Variants in DRC2 observed in about 807,000 individuals in gnomAD.
The protein encoded by DRC2 is dynein regulatory complex subunit 2.
At chr12:48,912,620 A>G in the DRC2 span, among the ~76,000 whole-genome samples, 153 of 152,014 alleles carry the variant, frequency 1.0e-3, 1 homozygote, top group African/African-American at 3.6e-3. Flanking sequence ...CTGTTGACCC[A>G]TGTAGTCATA....
chr12:48,921,253 G>A, the DRC2 span: 24 of 1,614,044 alleles, frequency 1.5e-5, no homozygotes, highest in South Asian at 8.8e-5. Context: ...CAACATAGAC[G>A]AGCCCAGCTG....
the DRC2 span, among the ~76,000 whole-genome samples, chr12:48,916,742 T>C: frequency 6.6e-6 from 1 of 152,182 alleles, no homozygotes; most frequent in African/African-American, 2.4e-5. Flanking sequence ...CTGTAACCTT[T>C]TGTACTTTTT....
chr12:48,905,229 A>G, the DRC2 span: 2 of 912,606 alleles, frequency 2.2e-6, no homozygotes, highest in Non-Finnish European at 3.3e-6. Context: ...AAGCCAGGCT[A>G]TTGGTAATAA....
chr12:48,916,329 A>G, the DRC2 span, among the ~76,000 whole-genome samples: 1 of 152,250 alleles, frequency 6.6e-6, no homozygotes, highest in Non-Finnish European at 1.5e-5. Context: ...TGAGTGAACC[A>G]GACTCCGTCT....
chr12:48,912,863 G>C, the DRC2 span, among the ~76,000 whole-genome samples: 136,608 of 152,018 alleles, frequency 0.9, 62,444 homozygotes, highest in East Asian at 1. Flanking sequence ...TTCTGCCAGG[G>C]GCGGTGGCTC....
chr12:48,916,592 AAGAGAG>A, the DRC2 span, among the ~76,000 whole-genome samples: 6 of 152,048 alleles, frequency 3.9e-5, no homozygotes, highest in African/African-American at 1.4e-4. Flanking sequence ...AGACCGTGGA[AAGAGAG>A]GGAGAGGGAG....
the DRC2 span, among the ~76,000 whole-genome samples, chr12:48,912,391 C>T: frequency 1.4e-5 from 2 of 144,190 alleles, no homozygotes; most frequent in African/African-American, 2.6e-5. Context: ...GATCGCGCCA[C>T]TGCGCTCCAG....
chr12:48,913,307 C>CT, the DRC2 span, among the ~76,000 whole-genome samples: 1 of 151,546 alleles, frequency 6.6e-6, no homozygotes, highest in African/African-American at 2.4e-5. Flanking sequence ...GCTATCACTT[C>CT]TTTTTTTCTT....
chr12:48,908,486 T>G, the DRC2 span, among the ~76,000 whole-genome samples: 1 of 152,002 alleles, frequency 6.6e-6, no homozygotes, highest in African/African-American at 2.4e-5. Flanking sequence ...CTGGGCATCA[T>G]CTCTAACCTA....
At chr12:48,905,521 C>T in the DRC2 span, among the ~76,000 whole-genome samples, 1 of 152,178 alleles carries the variant, frequency 6.6e-6, no homozygotes, top group South Asian at 2.1e-4. Flanking sequence ...CTGCAGTGCT[C>T]CATTCAACTA....
At chr12:48,916,398 G>C in the DRC2 span, among the ~76,000 whole-genome samples, 11 of 152,134 alleles carry the variant, frequency 7.2e-5, no homozygotes, top group Non-Finnish European at 1.3e-4. Flanking sequence ...AGGAGCTGGA[G>C]ACCAGCCCGG....
chr12:48,906,530 C>T, the DRC2 span, among the ~76,000 whole-genome samples: 26 of 151,792 alleles, frequency 1.7e-4, no homozygotes, highest in African/African-American at 4.6e-4. Flanking sequence ...GTGATCCGCC[C>T]GCCTCAGTCT....
At chr12:48,920,142 T>A in the DRC2 span, among the ~76,000 whole-genome samples, 770 of 123,856 alleles carry the variant, frequency 6.2e-3, 10 homozygotes, top group African/African-American at 0.02. Flanking sequence ...AAAAAAGAAT[T>A]AATAATGAAT....
At chr12:48,915,256 C>A in the DRC2 span, among the ~76,000 whole-genome samples, 2 of 150,540 alleles carry the variant, frequency 1.3e-5, no homozygotes, top group Admixed American at 1.3e-4. Flanking sequence ...GAGGACCCTG[C>A]GGCCTTCCAC....
the DRC2 span, among the ~76,000 whole-genome samples, chr12:48,909,037 CTTTTT>C: frequency 1.2e-5 from 1 of 82,366 alleles, no homozygotes; most frequent in African/African-American, 4.8e-5. Flanking sequence ...TTTTCTTTCT[CTTTTT>C]TTTTTTTTTT....
At chr12:48,904,601 C>A in the DRC2 span, 15 of 1,301,958 alleles carry the variant, frequency 1.2e-5, no homozygotes, top group Non-Finnish European at 1.6e-5. Context: ...ACTTAGATTT[C>A]AGGCAACATT....
chr12:48,920,651 A>G, the DRC2 span, among the ~76,000 whole-genome samples: 1 of 151,084 alleles, frequency 6.6e-6, no homozygotes, highest in African/African-American at 2.4e-5. Context: ...CCTCCCCAGT[A>G]GCTGAGACTG....
the DRC2 span, among the ~76,000 whole-genome samples, chr12:48,916,088 C>T: frequency 4.0e-5 from 6 of 148,408 alleles, no homozygotes; most frequent in East Asian, 4.1e-4. Flanking sequence ...GGATGGCGGC[C>T]AGGCAGAGAC....
the DRC2 span, among the ~76,000 whole-genome samples, chr12:48,920,111 TAAAAAAAAAAAA>T: frequency 9.4e-5 from 3 of 32,058 alleles, no homozygotes; most frequent in South Asian, 2.5e-3. Context: ...AGACCCTGTC[TAAAAAAAAAAAA>T]AAAAAAAAAA....
Sources: allele counts gnomAD v4.1 joint callset (sites outside exome capture counted in the v4.1 genomes callset), GRCh38; gene constraint gnomAD v4.1.1; transcripts MANE v1.5; gene names NCBI Gene and HGNC (gene_info 2026-07-23, HGNC 2026-07-21).